ESR1: variants seen among roughly 807,000 people sequenced by gnomAD.
ESR1 encodes the protein estrogen receptor 1.
A neutral mutation model predicts 52.7 loss-of-function variants in ESR1; 12 were observed. The observed-to-expected ratio is 0.23, with a 90% CI of 0.15 to 0.37. The LOEUF is 0.37. ESR1 is among the 10% of genes least tolerant of loss of function. ESR1 has a pLI of 1.00. For missense variants in ESR1, 584 were observed against 779.7 expected (o/e 0.75, Z 2.99); for synonymous variants, 305 against 316.8 (o/e 0.96, Z 0.39).
chr6:151,949,781 C>T (rs551391010), intron 4 of ESR1, among the ~76,000 whole-genome samples: 2 of 152,366 alleles, frequency 1.3e-5, no homozygotes, highest in East Asian at 3.9e-4. Flanking sequence ...TCACATGAAA[C>T]TTTGAAGCCT....
chr6:152,109,974 A>G (rs1370464855), intron 6 of ESR1, among the ~76,000 whole-genome samples: 5 of 152,216 alleles, frequency 3.3e-5, no homozygotes, highest in Admixed American at 2.0e-4. Context: ...GACAGCATAC[A>G]CACCCACATT....
At chr6:151,940,655 G>A (rs2034948737) in intron 3 of ESR1, among the ~76,000 whole-genome samples, 1 of 152,200 alleles carries the variant, frequency 6.6e-6, no homozygotes, top group Admixed American at 6.5e-5. Flanking sequence ...TCCTTTCTTA[G>A]AGAAGTTTTC....
intron 4 of ESR1, among the ~76,000 whole-genome samples, chr6:152,002,963 G>A (rs892483532): frequency 1.3e-5 from 2 of 151,852 alleles, no homozygotes; most frequent in Admixed American, 1.3e-4. Flanking sequence ...TGTTTATTTG[G>A]GGATGAGGGT....
At chr6:151,931,242 C>A (rs950312336) in intron 3 of ESR1, among the ~76,000 whole-genome samples, 1 of 151,922 alleles carries the variant, frequency 6.6e-6, no homozygotes, top group Non-Finnish European at 1.5e-5. Flanking sequence ...CAGTTGGGGA[C>A]GTTTCTGTTG....
chr6:151,720,842 A>G (rs533724937), intron 2 of ESR1, among the ~76,000 whole-genome samples: 5 of 152,206 alleles, frequency 3.3e-5, no homozygotes, highest in Non-Finnish European at 5.9e-5. Flanking sequence ...CCTTGTAAGG[A>G]CATAATGCAC....
upstream of ESR1, among the ~76,000 whole-genome samples, chr6:151,688,874 G>A (rs1310932527): frequency 1.3e-5 from 2 of 152,124 alleles, no homozygotes; most frequent in Non-Finnish European, 2.9e-5. Context: ...AATACTAAGG[G>A]ATGACTATAT....
chr6:151,820,182 G>T (rs550749795), intron 1 of ESR1, among the ~76,000 whole-genome samples: 7 of 152,166 alleles, frequency 4.6e-5, no homozygotes, highest in Non-Finnish European at 7.4e-5. Context: ...TTTTAAGAAT[G>T]AGGATTTAGC....
chr6:151,742,972 G>T (rs1325169300), intron 2 of ESR1, among the ~76,000 whole-genome samples: 2 of 152,156 alleles, frequency 1.3e-5, no homozygotes, highest in Non-Finnish European at 2.9e-5. Flanking sequence ...GCCCTTCAAG[G>T]CTGCCTCTTT....
Position 152,061,759 on chromosome 6 carries a change from TTTTG to T in ESR1, c.1369+639_1369+642del, listed in dbSNP as rs1248690224. On this transcript the variant is annotated intron_variant, in intron 6 of 7. Transcript: ENST00000206249. The surrounding 1 kb of genome is among the most constrained non-coding windows in gnomAD (Gnocchi z 4.3). ...TTTTTTGTTTTTGTTTTTGTTTTTG[TTTTG>T]TTTTTGTTTTCAATGTAGTGAGGCT... Among the ~76,000 whole-genome samples, 1 of 152,130 alleles carries T rather than the reference TTTTG, an allele frequency of 6.6e-6. No homozygotes were observed. The highest frequency in any genetic ancestry group is 2.4e-5 in the African/African-American group (1 of 41,438).
At chr6:151,796,313 A>G (rs564802689) in intron 2 of ESR1, among the ~76,000 whole-genome samples, 1 of 152,274 alleles carries the variant, frequency 6.6e-6, no homozygotes, top group South Asian at 2.1e-4. Context: ...TGGGTCTTTT[A>G]AAAAGGGGTG....
chr6:152,021,146 G>A lies in ESR1; in HGVS notation c.1235+9352G>A, dbSNP rs145444119. 7.2e-5 allele frequency among the ~76,000 whole-genome samples: 11 copies of A among 152,234 alleles called. No homozygotes were observed. In the East Asian group the frequency reaches 2.1e-3, roughly 30 times the overall value. On this transcript the variant is annotated intron_variant, in intron 5 of 7. Transcript: ENST00000206249. Reference sequence around the variant, plus strand: ...ATATTTGAGTCAGTGGGCTGTGGAAGGCACACCCACCCTTAATCTGGTGGG... The same window carrying A: ...ATATTTGAGTCAGTGGGCTGTGGAAAGCACACCCACCCTTAATCTGGTGGG...
At chr6:152,066,706 G>A (rs544669481) in intron 6 of ESR1, among the ~76,000 whole-genome samples, 4 of 152,132 alleles carry the variant, frequency 2.6e-5, no homozygotes, top group Non-Finnish European at 5.9e-5. Flanking sequence ...CCAACTTTTG[G>A]TGTTGCCTTA....
chr6:151,861,643 C>T (rs2128286995), intron 2 of ESR1, among the ~76,000 whole-genome samples: 1 of 152,268 alleles, frequency 6.6e-6, no homozygotes, highest in South Asian at 2.1e-4. Context: ...GTTAGGGTCT[C>T]AGGAAGAGGC....
chr6:152,122,102 C>T (rs778649215), intron 6 of ESR1: 1 of 380,650 alleles, frequency 2.6e-6, no homozygotes, highest in Non-Finnish European at 5.0e-6. Context: ...AGATGGTCTA[C>T]TGAAGTCCTT....
At chr6:152,028,610 A>G (rs907444142) in intron 5 of ESR1, among the ~76,000 whole-genome samples, 5 of 152,188 alleles carry the variant, frequency 3.3e-5, no homozygotes, top group African/African-American at 4.8e-5. Flanking sequence ...GGCGCCTGCC[A>G]TTGCTGAGGC....
intron 6 of ESR1, among the ~76,000 whole-genome samples, chr6:152,071,682 A>G (rs544397121): frequency 5.9e-5 from 9 of 152,342 alleles, no homozygotes; most frequent in African/African-American, 2.2e-4. Flanking sequence ...GATTATATAC[A>G]TGTACTTTCT....
chr6:151,732,075 A>T (rs1445485734), intron 2 of ESR1, among the ~76,000 whole-genome samples: 1 of 152,198 alleles, frequency 6.6e-6, no homozygotes, highest in Non-Finnish European at 1.5e-5. Context: ...TCTTTCTGTC[A>T]TTTTTGAGAG....
intron 2 of ESR1, among the ~76,000 whole-genome samples, chr6:151,845,453 C>T (rs755808286): frequency 3.3e-5 from 5 of 152,094 alleles, no homozygotes; most frequent in Non-Finnish European, 7.4e-5. Flanking sequence ...CCTGTAGTCC[C>T]AGCTACTTGG....
In ESR1 at chr6:152,094,315, G is replaced by T; in HGVS notation, c.1370-70G>T. On this transcript the variant is annotated intron_variant, in intron 6 of 7. Coordinates refer to ENST00000206249, the MANE Select transcript of ESR1 (RefSeq NM_000125.4). The surrounding 1 kb of genome is among the most constrained non-coding windows in gnomAD (Gnocchi z 4.6). ...GCACTGGCTCATTGTTACATCCCAT[G>T]AACACTCTGGGTCTCCTAGACCTCA... 7.3e-7 allele frequency: 1 copy of T among 1,361,852 alleles called. No individual in the cohort carries two copies. The highest frequency in any genetic ancestry group is 1.4e-5 in the African/African-American group (1 of 70,148). The allele number at this position is 1,361,852 out of a possible 1,614,324, so 84.4% of individuals were successfully genotyped here. A position where few individuals can be genotyped will look rare whatever the true frequency, so the allele number is the denominator to read the frequency against.
Sources: allele counts gnomAD v4.1 joint callset (sites outside exome capture counted in the v4.1 genomes callset), GRCh38; gene constraint gnomAD v4.1.1; non-coding constraint Gnocchi (gnomAD v3.1); transcripts MANE v1.5; gene names NCBI Gene and HGNC (gene_info 2026-07-23, HGNC 2026-07-21).